The following NLRP14 variants were observed in gnomAD, a reference collection of about 807,000 sequenced individuals.
The protein encoded by NLRP14 is NACHT, LRR and PYD domains-containing protein 14.
In NLRP14, 105 loss-of-function variants were observed where a neutral mutation model predicts 94.7. That is an observed-to-expected ratio of 1.11 (90% confidence interval 0.95 to 1.30). The LOEUF is 1.30. Among genes scored for constraint, NLRP14 ranks in the 50% most tolerant of loss-of-function variants. The probability of loss-of-function intolerance (pLI) is 0.00; values close to 1 mark genes in which losing one functional copy is unlikely to be tolerated. For synonymous variants in NLRP14, 508 were observed against 459.9 expected (o/e 1.10, Z -1.34); for missense variants, 1,362 against 1,254.1 (o/e 1.09, Z -1.30).
At chr11:7,025,926 G>T (rs1852009008) in intron 1 of NLRP14, among the ~76,000 whole-genome samples, 2 of 152,158 alleles carry the variant, frequency 1.3e-5, no homozygotes, top group South Asian at 4.1e-4. Context: ...GCCACGCACA[G>T]ATTGAATAGT....
At chr11:7,064,945 T>A (rs1370172381) in intron 10 of NLRP14, among the ~76,000 whole-genome samples, 1 of 152,034 alleles carries the variant, frequency 6.6e-6, no homozygotes, top group African/African-American at 2.4e-5. Context: ...TCCTTTCCAC[T>A]GACCTGTTTG....
chr11:7,041,843 T>C (rs1357397644), intron 3 of NLRP14, among the ~76,000 whole-genome samples: 3 of 152,204 alleles, frequency 2.0e-5, no homozygotes, highest in Non-Finnish European at 2.9e-5. Context: ...CAAGTAAAGA[T>C]GAATTATATT....
In NLRP14 at chr11:7,042,406, G is replaced by C. The variant is rs1186069115; in HGVS notation, c.380G>C (p.Arg127Thr). 1 of 1,613,748 alleles carries C rather than the reference G, an allele frequency of 6.2e-7. No individual in the cohort carries two copies. Among genetic ancestry groups the C allele is most frequent in the African/African-American group, 1.3e-5 (1 of 74,922 alleles). The change falls in exon 4 of 12, where the codon AGA becomes ACA. Residue 127 changes from arginine to threonine, a missense_variant. Coordinates refer to ENST00000299481, the MANE Select transcript of NLRP14 (RefSeq NM_176822.4). ...GACTTAGGTGATGGAACAGAATACA[G>C]AAATAGAATAAAGGAAAAATTTTGC... ...EAVLGDGTEYRNRIKEKFCIT... is the reference protein window; with the variant it reads ...EAVLGDGTEYTNRIKEKFCIT...
At chr11:7,027,459 A>C (rs554715439) in intron 1 of NLRP14, among the ~76,000 whole-genome samples, 5 of 152,142 alleles carry the variant, frequency 3.3e-5, no homozygotes, top group African/African-American at 1.2e-4. Context: ...TTATAAGGAC[A>C]CCAATTCCAT....
intron 8 of NLRP14, among the ~76,000 whole-genome samples, chr11:7,059,244 G>A (rs1852572637): frequency 6.7e-6 from 1 of 149,088 alleles, no homozygotes; most frequent in Admixed American, 6.7e-5. Flanking sequence ...TTAGCATGTT[G>A]CTTTATTTCT....
At chr11:7,073,517 A>G (rs1435327803), downstream of NLRP14, among the ~76,000 whole-genome samples, 4 of 152,144 alleles carry the variant, frequency 2.6e-5, no homozygotes, top group African/African-American at 7.2e-5. Flanking sequence ...ATTGTATCCC[A>G]CAGGTGAGGA....
chr11:7,076,229 G>T (rs942139739), downstream of NLRP14, among the ~76,000 whole-genome samples: 7 of 152,092 alleles, frequency 4.6e-5, no homozygotes, highest in African/African-American at 1.7e-4. Context: ...CATCAGGCAA[G>T]TCACTCCCCT....
In NLRP14 at chr11:7,038,826, C is replaced by T; in HGVS notation, c.240C>T (p.Gly80=). 1 of 1,612,720 alleles carries T rather than the reference C, an allele frequency of 6.2e-7. No homozygotes were observed. Among genetic ancestry groups the T allele is most frequent in the Non-Finnish European group, 8.5e-7 (1 of 1,179,660 alleles). ...KAWSVSLKIF[G]KMNLKDLCER... ...GGAGTGTGTCTCTCAAAATCTTTGG[C>T]AAGATGAACCTGAAGGATCTGTGTG... The change falls in exon 2 of 12, where the codon GGC becomes GGT. Residue 80 remains glycine (G), a synonymous_variant. Coordinates refer to ENST00000299481, the MANE Select transcript of NLRP14 (RefSeq NM_176822.4).
rs1320000736 is a variant in NLRP14, at chr11:7,043,845, A to C, written c.1819A>C (p.Ile607Leu). Reference protein sequence around the residue: ...QAMRCFPKVAINICEKIHLLV... With the variant: ...QAMRCFPKVALNICEKIHLLV... ...AATGAGATGTTTCCCAAAGGTTGCC[A>C]TTAATATTTGTGAGAAAATACATTT... The change falls in exon 4 of 12, where the codon ATT becomes CTT. Residue 607 changes from isoleucine to leucine, a missense_variant. Coordinates refer to ENST00000299481, the MANE Select transcript of NLRP14 (RefSeq NM_176822.4). The C allele has an allele frequency of 6.2e-7, 1 of 1,614,256 alleles. No individual in the cohort carries two copies. The highest frequency in any genetic ancestry group is 1.7e-5 in the Admixed American group (1 of 60,028).
At chr11:7,070,244 T>C in intron 10 of NLRP14, 42 bp from the exon 11 acceptor site, 1 of 1,439,096 alleles carries the variant, frequency 6.9e-7, no homozygotes, top group Non-Finnish European at 9.8e-7. Context: ...TGTTGTGTCA[T>C]CGAATAAATT....
chr11:7,090,713 G>C, the NLRP14 span: 1 of 287,712 alleles, frequency 3.5e-6, no homozygotes, highest in South Asian at 4.1e-5. Flanking sequence ...TTTGGGTGGA[G>C]AGTGGGAGGG....
downstream of NLRP14, among the ~76,000 whole-genome samples, chr11:7,073,545 T>C (rs1365854950): frequency 6.6e-6 from 1 of 152,102 alleles, no homozygotes; most frequent in East Asian, 1.9e-4. Flanking sequence ...CCCACAAGAC[T>C]CTCCCCTATT....
the NLRP14 span, among the ~76,000 whole-genome samples, chr11:7,081,781 A>G: frequency 6.6e-6 from 1 of 152,118 alleles, no homozygotes; most frequent in Admixed American, 6.5e-5. Flanking sequence ...AATTCCCTAA[A>G]TCCCACTGCT....
chr11:7,044,564 G>C (rs1852323200), intron 4 of NLRP14, among the ~76,000 whole-genome samples: 1 of 152,120 alleles, frequency 6.6e-6, no homozygotes, highest in Non-Finnish European at 1.5e-5. Flanking sequence ...ATAAGAAATA[G>C]TAGGTGCTAA....
At chr11:7,084,896 T>C in the NLRP14 span, among the ~76,000 whole-genome samples, 4 of 152,158 alleles carry the variant, frequency 2.6e-5, no homozygotes, top group African/African-American at 7.2e-5. Flanking sequence ...CTTGTAGAAA[T>C]AAGCCCTTTG....
At chr11:7,034,628 A>G (rs1413943097) in intron 1 of NLRP14, among the ~76,000 whole-genome samples, 1 of 152,214 alleles carries the variant, frequency 6.6e-6, no homozygotes, top group Non-Finnish European at 1.5e-5. Context: ...AATTCTAAGG[A>G]CAAGAGGTTT....
At chr11:7,023,374 A>G (rs1375720320) in intron 1 of NLRP14, among the ~76,000 whole-genome samples, 1 of 146,622 alleles carries the variant, frequency 6.8e-6, no homozygotes, top group Non-Finnish European at 1.5e-5. Flanking sequence ...AAATATATAT[A>G]TCATGTTTAG....
At position 7,046,691 on chromosome 11, in the gene NLRP14, G is replaced by C; in HGVS notation, c.1982G>C (p.Cys661Ser). The C allele has an allele frequency of 6.2e-7, 1 of 1,613,794 alleles. No individual in the cohort carries two copies. Among genetic ancestry groups the C allele is most frequent in the Non-Finnish European group, 8.5e-7 (1 of 1,179,690 alleles). The change falls in exon 5 of 12, where the codon TGT becomes TCT. Residue 661 changes from cysteine to serine, a missense_variant. Coordinates refer to ENST00000299481, the MANE Select transcript of NLRP14 (RefSeq NM_176822.4). ...NTWDGDRITH[C>S]WQDLCSVLHT... ...AGGGATGGTGATCGCATTACTCACT[G>C]TTGGCAAGATCTCTGTTCTGTGCTT...
chr11:7,081,086 G>A, the NLRP14 span, among the ~76,000 whole-genome samples: 2 of 152,286 alleles, frequency 1.3e-5, no homozygotes, highest in Non-Finnish European at 1.5e-5. Flanking sequence ...GGGCCAGCAT[G>A]TCTTTGGTTA....
Sources: allele counts gnomAD v4.1 joint callset (sites outside exome capture counted in the v4.1 genomes callset), GRCh38; gene constraint gnomAD v4.1.1; transcripts MANE v1.5; gene names NCBI Gene and HGNC (gene_info 2026-07-23, HGNC 2026-07-21).